The following SH3TC2 variants were observed in gnomAD, a reference collection of about 807,000 sequenced individuals.
The protein encoded by SH3TC2 is SH3 domain and tetratricopeptide repeats 2.
SH3TC2 carries 87 observed loss-of-function variants against 124.5 expected under a neutral mutation model. The ratio of observed to expected loss-of-function variants is 0.70; its 90% confidence interval spans 0.59 to 0.84. SH3TC2 has a LOEUF of 0.84. Ranked by LOEUF, SH3TC2 falls within the 40% of genes least tolerant of loss-of-function variation. The probability of loss-of-function intolerance (pLI) is 0.00; values close to 1 mark genes in which losing one functional copy is unlikely to be tolerated. For synonymous variants in SH3TC2, 634 were observed against 628.5 expected, an observed-to-expected ratio of 1.01 and a Z score of -0.13; for missense variants, 1,536 against 1,566.4, an observed-to-expected ratio of 0.98 and a Z score of 0.33.
In SH3TC2 at chr5:149,047,959, C is replaced by A; in HGVS notation, c.182G>T (p.Arg61Leu). The change falls in exon 3 of 17, where the codon CGC (arginine) becomes CTC (leucine). Residue 61 changes from arginine (R) to leucine (L), a missense_variant. Around this residue, in one of 3 missense-constraint regions of SH3TC2, gnomAD observed 1,102 missense variants for 1,098.6 expected, o/e 1.00. Transcript: ENST00000515425. ...GGGTCCATTTACACACCTCCTGGAG[C>A]GGCTCTTTACACAGAAGGAGAGTGT... ...DLTLSFCVKS[R>L]SRRCVNGPLQ... 2 of 1,614,074 alleles carry A rather than the reference C, an allele frequency of 1.2e-6. No homozygotes were observed. The highest frequency in any genetic ancestry group is 1.7e-6 in the Non-Finnish European group (2 of 1,179,984).
At chr5:149,016,924 CAAAAA>C (rs753867645) in intron 12 of SH3TC2, among the ~76,000 whole-genome samples, 4 of 92,952 alleles carry the variant, frequency 4.3e-5, no homozygotes, top group Admixed American at 1.2e-4. Flanking sequence ...GACTCCGTCT[CAAAAA>C]AAAAAAAAAA....
At chr5:149,008,804 C>G in intron 15 of SH3TC2, 47 bp downstream of exon 15, 1 of 1,612,522 alleles carries the variant, frequency 6.2e-7, no homozygotes, top group Admixed American at 1.7e-5. Flanking sequence ...CTATCCTTGA[C>G]TAATCACCCC....
rs139052887 is a variant in SH3TC2, at chr5:149,040,602, A to G, written c.805+2T>C. ...AATACTATGTTTTTGACTCAGCCAT[A>G]CCAATCTGATAGGAGCCTGTCCAAT... On this transcript the variant is annotated splice_donor_variant, in intron 7 of 16. Coordinates refer to ENST00000515425, the MANE Select transcript of SH3TC2 (RefSeq NM_024577.4). LOFTEE classifies it high-confidence loss of function. 8 of 1,613,508 alleles carry G rather than the reference A, an allele frequency of 5.0e-6. No homozygotes were observed. Among genetic ancestry groups the G allele is most frequent in the Non-Finnish European group, 6.8e-6 (8 of 1,179,420 alleles).
chr5:149,060,161 G>T (rs1754720988), intron 1 of SH3TC2, among the ~76,000 whole-genome samples: 1 of 152,154 alleles, frequency 6.6e-6, no homozygotes, highest in Non-Finnish European at 1.5e-5. Flanking sequence ...CTATTTAAGG[G>T]CATAAATCTG....
intron 1 of SH3TC2, among the ~76,000 whole-genome samples, chr5:149,059,387 C>G (rs1397396602): frequency 6.6e-6 from 1 of 152,154 alleles, no homozygotes; most frequent in Non-Finnish European, 1.5e-5. Context: ...AATTCACCTT[C>G]ATTTCTCCTC....
Position 149,038,291 on chromosome 5 carries a change from T to C in SH3TC2, c.1001+4A>G, listed in dbSNP as rs1364263704. On this transcript the variant is annotated splice_donor_region_variant and intron_variant, in intron 8 of 16. Coordinates refer to ENST00000515425, the MANE Select transcript of SH3TC2 (RefSeq NM_024577.4). ...TCCAGGACATGCTCACTGTCAATAC[T>C]CACATTGGGGAATAAGAATCAGGAT... 1 of 1,613,488 alleles carries C rather than the reference T, an allele frequency of 6.2e-7. No individual in the cohort carries two copies. Among genetic ancestry groups the C allele is most frequent in the Non-Finnish European group, 8.5e-7 (1 of 1,179,552 alleles).
chr5:149,013,982 GC>G (rs1753827718), intron 12 of SH3TC2, among the ~76,000 whole-genome samples: 1 of 152,160 alleles, frequency 6.6e-6, no homozygotes, highest in African/African-American at 2.4e-5. Flanking sequence ...ATGCAGCTTG[GC>G]TTGAGACTTG....
intron 12 of SH3TC2, among the ~76,000 whole-genome samples, chr5:149,025,148 A>G (rs1048971515): frequency 1.4e-4 from 22 of 152,070 alleles, no homozygotes; most frequent in Non-Finnish European, 3.2e-4. Flanking sequence ...CCAGACTCCT[A>G]GGGTGTCCTA....
Position 149,038,391 on chromosome 5 carries a change from A to G in SH3TC2, c.905T>C (p.Ile302Thr). 1 of 1,614,216 alleles carries G rather than the reference A, an allele frequency of 6.2e-7. No homozygotes were observed. The highest frequency in any genetic ancestry group is 8.5e-7 in the Non-Finnish European group (1 of 1,180,034). Residue 302 changes from isoleucine to threonine, a missense_variant, in exon 8 of 17, where the codon ATA becomes ACA. Physicochemically the swap from Ile to Thr is moderately conservative, Grantham distance 89. Around this residue, in one of 3 missense-constraint regions of SH3TC2, gnomAD observed 1,102 missense variants for 1,098.6 expected, o/e 1.00. Transcript: ENST00000515425. ...TCCAATGAACCACTGAAGCCCAGGT[A>G]TGACAAAGCCGATGATCTCAATGCT... is the stretch of plus-strand genomic sequence containing the variant. ...GESIEIIGFV[I>T]PGLQWFIGKS...
At position 149,047,941 on chromosome 5, in the gene SH3TC2, T is replaced by C. The variant is rs772378888; in HGVS notation, c.200A>G (p.Asn67Ser). The change falls in exon 3 of 17, where the codon AAT (asparagine) becomes AGT (serine). Residue 67 changes from asparagine (N) to serine (S), a missense_variant. Physicochemically the swap from Asn to Ser is conservative, Grantham distance 46. Coordinates refer to ENST00000515425, the MANE Select transcript of SH3TC2 (RefSeq NM_024577.4). Reference protein sequence around the residue: ...CVKSRSRRCVNGPLQEAARRR... With the variant: ...CVKSRSRRCVSGPLQEAARRR... ...CCGAGCAGCTTCCTGTAGGGGTCCA[T>C]TTACACACCTCCTGGAGCGGCTCTT... The C allele has an allele frequency of 1.2e-6, 2 of 1,614,072 alleles. No individual in the cohort carries two copies. Among genetic ancestry groups the C allele is most frequent in the Non-Finnish European group, 1.7e-6 (2 of 1,179,988 alleles).
chr5:149,022,416 T>C (rs1440547209), intron 12 of SH3TC2, among the ~76,000 whole-genome samples: 2 of 152,112 alleles, frequency 1.3e-5, no homozygotes, highest in South Asian at 2.1e-4. Flanking sequence ...ATGGGAGACA[T>C]TGGAACCCTT....
At position 148,983,848 on chromosome 5, in the gene SH3TC2, C is replaced by A. The variant is rs1364703543; in HGVS notation, c.*20863G>T. Among the ~76,000 whole-genome samples, 1 of 152,160 alleles carries A rather than the reference C, an allele frequency of 6.6e-6. No homozygotes were observed. The highest frequency in any genetic ancestry group is 1.5e-5 in the Non-Finnish European group (1 of 68,034). ...GGAAGATAAGATGTAAACTTCTGGT[C>A]ACCACCCTGAAACTGCATGAAGCTT... On this transcript the variant is annotated 3_prime_UTR_variant, in exon 17 of 17. Transcript: ENST00000515425.
At position 149,040,745 on chromosome 5, in the gene SH3TC2, T is replaced by C. The variant is rs1754355976; in HGVS notation, c.732-68A>G. ...AATTGCAACAATGAACAGAACAGTC[T>C]ATCAGAATAATGATGATGATGATGA... On this transcript the variant is annotated intron_variant, in intron 6 of 16. Coordinates refer to ENST00000515425, the MANE Select transcript of SH3TC2 (RefSeq NM_024577.4). 33 of 1,266,594 alleles carry C rather than the reference T, an allele frequency of 2.6e-5. No individual in the cohort carries two copies. The South Asian group carries it at 3.9e-4, about 15-fold the overall frequency. 78.5% of individuals were successfully genotyped at this position (1,266,594 alleles called of 1,614,324 possible). A position where few individuals can be genotyped will look rare whatever the true frequency, so the allele number is the denominator to read the frequency against.
chr5:149,017,021 C>A (rs1309870902), intron 12 of SH3TC2, among the ~76,000 whole-genome samples: 6 of 152,014 alleles, frequency 3.9e-5, no homozygotes, highest in Non-Finnish European at 8.8e-5. Context: ...TTTGAGAGGA[C>A]CTATTATATG....
rs143281623 is a variant in SH3TC2 at position 149,008,738 on chromosome 5, G to T, written c.3478+113C>A. Reference sequence around the variant, plus strand: ...TAAGGTCTCTCTGACAGTTGGACCTGGGATTTGAACCCACACAGTCTGACT... The same window carrying T: ...TAAGGTCTCTCTGACAGTTGGACCTTGGATTTGAACCCACACAGTCTGACT... On this transcript the variant is annotated intron_variant, in intron 15 of 16. Transcript: ENST00000515425. 821 of 1,459,208 alleles carry T rather than the reference G, an allele frequency of 5.6e-4. 3 individuals are homozygous for T. The African/African-American group carries it at 0.01, about 18-fold the overall frequency. The allele number at this position is 1,459,208 out of a possible 1,614,324, so 90.4% of individuals were successfully genotyped here. A position where few individuals can be genotyped will look rare whatever the true frequency, so the allele number is the denominator to read the frequency against.
At position 149,000,746 on chromosome 5, in the gene SH3TC2, C is replaced by T. The variant is rs1753583580; in HGVS notation, c.*3965G>A. On this transcript the variant is annotated 3_prime_UTR_variant, in exon 17 of 17. Transcript: ENST00000515425. ...AGTCCTTGAGTCATGAGACCCCCGCCTCAAGTACCACTGTCTTTGCCACTA... is the reference window on the plus strand; with the variant it reads ...AGTCCTTGAGTCATGAGACCCCCGCTTCAAGTACCACTGTCTTTGCCACTA... Among the ~76,000 whole-genome samples, 2 of 152,206 alleles carry T rather than the reference C, an allele frequency of 1.3e-5. No individual in the cohort carries two copies. Among genetic ancestry groups the T allele is most frequent in the South Asian group, 4.1e-4 (2 of 4,830 alleles).
In SH3TC2 at chr5:148,994,229, T is replaced by G. The variant is rs1753466697; in HGVS notation, c.*10482A>C. On this transcript the variant is annotated 3_prime_UTR_variant, in exon 17 of 17. Coordinates refer to ENST00000515425, the MANE Select transcript of SH3TC2 (RefSeq NM_024577.4). ...GGTGTCCTGAAGCTGCCACTCTCTA[T>G]CTACAGGACTTTGGGTAAGATTAAT... Among the ~76,000 whole-genome samples the G allele has an allele frequency of 6.6e-6, 1 of 152,224 alleles. No homozygotes were observed. Among genetic ancestry groups the G allele is most frequent in the Non-Finnish European group, 1.5e-5 (1 of 68,038 alleles).
chr5:149,047,704 CA>C, intron 3 of SH3TC2, 157 bp downstream of exon 3: 1 of 998,136 alleles, frequency 1.0e-6, no homozygotes, highest in African/African-American at 1.6e-5. Flanking sequence ...CACTCCTGTG[CA>C]GAGAATGTGC....
Position 148,987,332 on chromosome 5 carries a change from GT to G in SH3TC2, c.*17378del, listed in dbSNP as rs1042653620. ...TGCCAAGAGGACAAGAACTTTATAA[GT>G]TTTTTTCATTGATCTATTGCTACAG... is the stretch of plus-strand genomic sequence containing the variant. On this transcript the variant is annotated 3_prime_UTR_variant, in exon 17 of 17. Transcript: ENST00000515425. 6.6e-6 allele frequency among the ~76,000 whole-genome samples: 1 copy of G among 152,190 alleles called. No individual in the cohort carries two copies. The highest frequency in any genetic ancestry group is 1.5e-5 in the Non-Finnish European group (1 of 68,032).
Sources: gnomAD v4.1 joint callset for allele counts (sites outside exome capture counted in the v4.1 genomes callset) on GRCh38, gnomAD v4.1.1 for gene constraint, gnomAD v4.1.1 regional missense constraint, MANE v1.5 for transcripts, NCBI Gene and HGNC (gene_info 2026-07-23, HGNC 2026-07-21) for gene names.